The following NAV3 variants were observed in gnomAD, a reference collection of about 807,000 sequenced individuals.
The protein encoded by NAV3 is pore membrane and/or filament interacting like protein 1.
A neutral mutation model predicts 244.7 loss-of-function variants in NAV3; 87 were observed. The ratio of observed to expected loss-of-function variants is 0.36; its 90% CI spans 0.30 to 0.42. The LOEUF (loss-of-function observed/expected upper bound fraction) is 0.42, where lower values mean the gene tolerates loss of function less well. Among genes scored for constraint, NAV3 ranks in the 20% least tolerant of loss-of-function variants. The probability of loss-of-function intolerance (pLI) is 1.00; values close to 1 mark genes in which losing one functional copy is unlikely to be tolerated. For missense variants in NAV3, 2,663 were observed against 2,893.3 expected (o/e 0.92, Z 1.83); for synonymous variants, 1,126 against 1,042.2 (o/e 1.08, Z -1.55).
intron 3 of NAV3, among the ~76,000 whole-genome samples, chr12:77,960,454 C>T (rs36114371): frequency 0.31 from 45,413 of 144,452 alleles, 7,101 homozygotes; most frequent in East Asian, 0.4. Context: ...TATATATACA[C>T]ACACACACAC....
chr12:77,691,941 T>C (rs1030348767), intron 2 of NAV3, among the ~76,000 whole-genome samples: 2 of 151,956 alleles, frequency 1.3e-5, no homozygotes, highest in Non-Finnish European at 2.9e-5. Context: ...TATTCCTCTT[T>C]ATTAAAAGGA....
intron 2 of NAV3, among the ~76,000 whole-genome samples, chr12:77,604,546 T>C (rs1870584241): frequency 6.6e-6 from 1 of 150,732 alleles, no homozygotes; most frequent in Non-Finnish European, 1.5e-5. Flanking sequence ...CTAGGAACCA[T>C]AAATTAAATC....
At chr12:77,692,597 A>G (rs1222273473) in intron 2 of NAV3, among the ~76,000 whole-genome samples, 2 of 152,210 alleles carry the variant, frequency 1.3e-5, no homozygotes, top group Non-Finnish European at 2.9e-5. Flanking sequence ...ATCTAGCACC[A>G]TTACTTAATA....
At chr12:78,195,527 C>T (rs1029037224) in intron 34 of NAV3, among the ~76,000 whole-genome samples, 2 of 151,984 alleles carry the variant, frequency 1.3e-5, no homozygotes, top group African/African-American at 2.4e-5. Context: ...CTCTGCTTAT[C>T]AACTCTAAGT....
chr12:77,744,814 G>A (rs1868453415), intron 2 of NAV3, among the ~76,000 whole-genome samples: 1 of 151,566 alleles, frequency 6.6e-6, no homozygotes, highest in South Asian at 2.1e-4. Flanking sequence ...AAAAAGCTGA[G>A]GGAAGATGTG....
At chr12:77,627,955 G>C (rs1205710681) in intron 2 of NAV3, among the ~76,000 whole-genome samples, 1 of 152,146 alleles carries the variant, frequency 6.6e-6, no homozygotes, top group Non-Finnish European at 1.5e-5. Context: ...ATATGAAGGA[G>C]CTTAGAAAGT....
At chr12:78,156,203 T>C (rs1593825628) in intron 22 of NAV3, among the ~76,000 whole-genome samples, 1 of 152,260 alleles carries the variant, frequency 6.6e-6, no homozygotes, top group East Asian at 1.9e-4. Flanking sequence ...CAGTTTTAAT[T>C]TTCTGTATAT....
intron 2 of NAV3, among the ~76,000 whole-genome samples, chr12:77,750,869 A>G (rs895432738): frequency 6.6e-6 from 1 of 152,226 alleles, no homozygotes; most frequent in Non-Finnish European, 1.5e-5. Context: ...TCAATTTTCA[A>G]AGTTTTTAGG....
At chr12:78,099,943 C>A (rs1012450042) in intron 12 of NAV3, among the ~76,000 whole-genome samples, 1 of 151,898 alleles carries the variant, frequency 6.6e-6, no homozygotes, top group Non-Finnish European at 1.5e-5. Flanking sequence ...AGAACAAGAG[C>A]TTTCCATTTT....
rs1405252264 is a variant in NAV3 at position 78,144,929 on chromosome 12, A to G, written c.4684-1440A>G. ...TCCTGTCTCAAAAAAAAAAAAAAAAAAAAAAAAAAAAAAAAAAAGAAAGAA... is the reference window on the plus strand; with the variant it reads ...TCCTGTCTCAAAAAAAAAAAAAAAAGAAAAAAAAAAAAAAAAAAGAAAGAA... On this transcript the variant is annotated intron_variant, in intron 20 of 39. Transcript: ENST00000397909. 8.2e-4 allele frequency: 123 copies of G among 150,862 alleles called. No individual in the cohort carries two copies. The Middle Eastern group carries it at 0.012, about 15-fold the overall frequency. The allele number at this position is 150,862 out of a possible 1,614,324, so 9.3% of individuals were successfully genotyped here. A position where few individuals can be genotyped will look rare whatever the true frequency, so the allele number is the denominator to read the frequency against.
intron 11 of NAV3, among the ~76,000 whole-genome samples, chr12:78,055,188 G>A (rs2137333976): frequency 6.6e-6 from 1 of 151,934 alleles, no homozygotes; most frequent in Non-Finnish European, 1.5e-5. Context: ...TATTTTTGTA[G>A]CAGTCCAGTT....
intron 2 of NAV3, among the ~76,000 whole-genome samples, chr12:77,671,646 A>C (rs1873978999): frequency 6.6e-6 from 1 of 152,192 alleles, no homozygotes; most frequent in Non-Finnish European, 1.5e-5. Context: ...TAAAGCAAAC[A>C]AAAACGCAGA....
intron 2 of NAV3, among the ~76,000 whole-genome samples, chr12:77,598,095 C>A (rs1187200908): frequency 4.6e-5 from 7 of 151,936 alleles, no homozygotes; most frequent in Non-Finnish European, 8.8e-5. Flanking sequence ...AAAATAGATA[C>A]CCATATACAT....
chr12:78,047,620 C>T (rs780718908), intron 9 of NAV3, among the ~76,000 whole-genome samples: 1 of 152,224 alleles, frequency 6.6e-6, no homozygotes, highest in Non-Finnish European at 1.5e-5. Flanking sequence ...ATCAGCCTTT[C>T]TCTCTGGCTG....
chr12:78,109,983 T>C (rs973629234), intron 12 of NAV3, among the ~76,000 whole-genome samples: 11 of 151,952 alleles, frequency 7.2e-5, no homozygotes, highest in African/African-American at 2.4e-4. Context: ...AGTATCTAAA[T>C]TGGGAAGAGC....
chr12:77,937,857 C>T (rs1181146303), intron 1 of NAV3, among the ~76,000 whole-genome samples: 1 of 152,168 alleles, frequency 6.6e-6, no homozygotes. Flanking sequence ...ATAATAATAG[C>T]AAGCATGTTT....
chr12:77,604,625 A>G (rs1283080726), intron 2 of NAV3, among the ~76,000 whole-genome samples: 1 of 151,946 alleles, frequency 6.6e-6, no homozygotes, highest in Non-Finnish European at 1.5e-5. Flanking sequence ...GTTGAGATAC[A>G]AATTGGGCAC....
intron 22 of NAV3, among the ~76,000 whole-genome samples, chr12:78,154,264 ATAGTATATAT>A (rs1957194533): frequency 7.1e-6 from 1 of 141,250 alleles, no homozygotes; most frequent in South Asian, 2.1e-4. Flanking sequence ...TATATAATAT[ATAGTATATAT>A]TACTATATAT....
At chr12:77,574,050 T>A (rs941025909) in intron 2 of NAV3, among the ~76,000 whole-genome samples, 68 of 152,240 alleles carry the variant, frequency 4.5e-4, no homozygotes, top group African/African-American at 1.4e-3. Flanking sequence ...AGACAAACCA[T>A]GGAGAACCAT....
Sources: allele counts gnomAD v4.1 joint callset (sites outside exome capture counted in the v4.1 genomes callset), GRCh38; gene constraint gnomAD v4.1.1; transcripts MANE v1.5; gene names NCBI Gene and HGNC (gene_info 2026-07-23, HGNC 2026-07-21).